The following TMEM232 variants were observed in gnomAD, a reference collection of about 807,000 sequenced individuals.
The protein encoded by TMEM232 is transmembrane protein 232.
In TMEM232, 80 loss-of-function variants were observed where a neutral mutation model predicts 78.8. The observed-to-expected ratio is 1.01, with a 90% CI of 0.85 to 1.22. The LOEUF is 1.22. Ranked by LOEUF, TMEM232 falls within the 50% of genes most tolerant of loss-of-function variation. The pLI is 0.00. For synonymous variants in TMEM232, 297 were observed against 254.3 expected, an observed-to-expected ratio of 1.17 and a Z score of -1.60; for missense variants, 881 against 742.2, an observed-to-expected ratio of 1.19 and a Z score of -2.17.
chr5:110,574,306 A>T (rs558874175), intron 10 of TMEM232, among the ~76,000 whole-genome samples: 1 of 152,220 alleles, frequency 6.6e-6, no homozygotes, highest in Non-Finnish European at 1.5e-5. Flanking sequence ...AGAGGGAAGC[A>T]GGAAGACATT....
At chr5:110,428,024 G>A (rs1252347630) in intron 12 of TMEM232, among the ~76,000 whole-genome samples, 1 of 151,702 alleles carries the variant, frequency 6.6e-6, no homozygotes, top group Non-Finnish European at 1.5e-5. Flanking sequence ...ATTTTAAAAT[G>A]TACAATTAAG....
chr5:110,401,567 C>T (rs1381128536), intron 2 of TMEM232, among the ~76,000 whole-genome samples: 1 of 151,990 alleles, frequency 6.6e-6, no homozygotes, highest in Non-Finnish European at 1.5e-5. Flanking sequence ...GCTGTGGTAG[C>T]TTGTTCTGGC....
intron 2 of TMEM232, among the ~76,000 whole-genome samples, chr5:110,665,406 T>A (rs1941606262): frequency 6.6e-6 from 1 of 152,080 alleles, no homozygotes; most frequent in African/African-American, 2.4e-5. Context: ...TGAGACTGGG[T>A]AATTTACATA....
chr5:110,649,068 T>G (rs1000202459), intron 2 of TMEM232, among the ~76,000 whole-genome samples: 1 of 152,030 alleles, frequency 6.6e-6, no homozygotes. Context: ...TAGTTGAGCT[T>G]GAAGACCCAA....
intron 2 of TMEM232, among the ~76,000 whole-genome samples, chr5:110,652,813 C>T (rs530296135): frequency 7.2e-5 from 11 of 152,256 alleles, no homozygotes; most frequent in African/African-American, 2.6e-4. Flanking sequence ...TTCACGCATT[C>T]CAATTTCTCT....
chr5:110,492,170 T>C (rs893911870), intron 12 of TMEM232, among the ~76,000 whole-genome samples: 10 of 151,660 alleles, frequency 6.6e-5, no homozygotes, highest in African/African-American at 2.4e-4. Flanking sequence ...AACCCGCACA[T>C]TGTGCACATG....
At chr5:110,721,778 A>G (rs1797671262) in intron 1 of TMEM232, among the ~76,000 whole-genome samples, 2 of 149,276 alleles carry the variant, frequency 1.3e-5, no homozygotes, top group South Asian at 4.3e-4. Context: ...TGTATATTAG[A>G]CATCCGAATA....
In TMEM232 at chr5:110,716,446, T is replaced by TC. The variant is rs1460314520; in HGVS notation, c.-13+10180dup. 3.3e-5 allele frequency among the ~76,000 whole-genome samples: 5 copies of TC among 152,174 alleles called. No homozygotes were observed. The South Asian group carries it at 1.0e-3, about 32-fold the overall frequency. ...GCTTGTTTTCCTGCAACCAGACAGT[T>TC]CCATCTGGTGGCGATGGGAGACAGT... On this transcript the variant is annotated intron_variant, in intron 1 of 13. Transcript: ENST00000455884.
chr5:110,491,715 G>A (rs1268830572), intron 12 of TMEM232, among the ~76,000 whole-genome samples: 3 of 151,866 alleles, frequency 2.0e-5, no homozygotes, highest in Non-Finnish European at 4.4e-5. Flanking sequence ...GTAAAAGTGA[G>A]AGCAGAAATT....
At chr5:110,604,593 T>G (rs1561369749) in intron 10 of TMEM232, among the ~76,000 whole-genome samples, 1 of 152,218 alleles carries the variant, frequency 6.6e-6, no homozygotes, top group Non-Finnish European at 1.5e-5. Flanking sequence ...CATCTTTTGT[T>G]TTCAAGGAAT....
At chr5:110,452,175 T>C (rs1427613877) in intron 12 of TMEM232, among the ~76,000 whole-genome samples, 1 of 152,098 alleles carries the variant, frequency 6.6e-6, no homozygotes, top group Non-Finnish European at 1.5e-5. Context: ...TCCATGTCCA[T>C]AAAATAAATA....
intron 12 of TMEM232, among the ~76,000 whole-genome samples, chr5:110,453,483 G>A (rs1760543691): frequency 6.8e-6 from 1 of 147,834 alleles, no homozygotes; most frequent in African/African-American, 2.5e-5. Context: ...TGTATTTTTA[G>A]TAGAGATGGA....
chr5:110,521,789 G>T (rs1363199390), intron 12 of TMEM232, among the ~76,000 whole-genome samples: 1 of 151,878 alleles, frequency 6.6e-6, no homozygotes, highest in South Asian at 2.1e-4. Flanking sequence ...TTTATTTCTG[G>T]TCCCTCTATT....
chr5:110,394,505 T>G (rs1372734744), intron 3 of TMEM232, among the ~76,000 whole-genome samples: 11 of 152,210 alleles, frequency 7.2e-5, no homozygotes, highest in Non-Finnish European at 2.9e-5. Context: ...TTGAGGAACT[T>G]CCAAGCTGTT....
intron 12 of TMEM232, among the ~76,000 whole-genome samples, chr5:110,464,420 T>C (rs901062945): frequency 1.3e-5 from 2 of 152,210 alleles, no homozygotes; most frequent in East Asian, 1.9e-4. Flanking sequence ...ATTGCCATCA[T>C]AGGCCAGAGT....
intron 1 of TMEM232, among the ~76,000 whole-genome samples, chr5:110,689,825 A>G (rs11241071): frequency 0.094 from 14,345 of 152,158 alleles, 795 homozygotes; most frequent in South Asian, 0.18. Context: ...CCACAGAAAT[A>G]ATGCCACACA....
intron 5 of TMEM232, among the ~76,000 whole-genome samples, chr5:110,632,365 T>C (rs555407249): frequency 6.6e-6 from 1 of 152,048 alleles, no homozygotes; most frequent in Admixed American, 6.5e-5. Flanking sequence ...AGATGATACT[T>C]CCAAAGGAAT....
intron 2 of TMEM232, among the ~76,000 whole-genome samples, chr5:110,662,053 G>A (rs1010836169): frequency 5.3e-5 from 8 of 152,108 alleles, no homozygotes; most frequent in African/African-American, 1.9e-4. Flanking sequence ...ATAGTCCCTT[G>A]TCAGTCAAAT....
intron 5 of TMEM232, among the ~76,000 whole-genome samples, chr5:110,637,588 TA>T (rs1786035591): frequency 6.6e-6 from 1 of 151,262 alleles, no homozygotes; most frequent in Admixed American, 6.6e-5. Context: ...TATATATATA[TA>T]AAAAACCATC....
Sources: allele counts gnomAD v4.1 joint callset (sites outside exome capture counted in the v4.1 genomes callset), GRCh38; gene constraint gnomAD v4.1.1; transcripts MANE v1.5; gene names NCBI Gene and HGNC (gene_info 2026-07-23, HGNC 2026-07-21).